ZRANB3: variants seen among roughly 807,000 people sequenced by gnomAD.
ZRANB3 encodes the protein DNA annealing helicase and endonuclease ZRANB3.
In ZRANB3, 125 loss-of-function variants were observed where a neutral mutation model predicts 133.8. The ratio of observed to expected loss-of-function variants is 0.93; its 90% confidence interval spans 0.81 to 1.08. The LOEUF is 1.08. ZRANB3 is among the 50% of genes least tolerant of loss of function. The pLI is 0.00. For synonymous variants in ZRANB3, 387 were observed against 432.7 expected (o/e 0.89, Z 1.31); for missense variants, 1,229 against 1,275.5 (o/e 0.96, Z 0.56).
chr2:135,488,685 A>G (rs1036688785), intron 2 of ZRANB3, among the ~76,000 whole-genome samples: 2 of 151,956 alleles, frequency 1.3e-5, no homozygotes, highest in South Asian at 2.1e-4. Context: ...TGCAAAGCAC[A>G]ATATATACAA....
intron 6 of ZRANB3, among the ~76,000 whole-genome samples, chr2:135,317,929 T>C (rs543648447): frequency 6.6e-6 from 1 of 152,182 alleles, no homozygotes; most frequent in East Asian, 1.9e-4. Flanking sequence ...AATAACACAT[T>C]TGCCAAAACC....
At chr2:135,302,677 C>G (rs1177635005) in intron 8 of ZRANB3, among the ~76,000 whole-genome samples, 2 of 152,038 alleles carry the variant, frequency 1.3e-5, no homozygotes, top group Non-Finnish European at 2.9e-5. Flanking sequence ...AGGCACGCAC[C>G]ACCACGCCCG....
chr2:135,489,811 G>C (rs897280331), intron 2 of ZRANB3, among the ~76,000 whole-genome samples: 1 of 151,550 alleles, frequency 6.6e-6, no homozygotes, highest in East Asian at 1.9e-4. Flanking sequence ...ATGCAAAAGA[G>C]AAAAAAACAA....
intron 2 of ZRANB3, among the ~76,000 whole-genome samples, chr2:135,427,276 C>T (rs1375250689): frequency 6.6e-6 from 1 of 152,106 alleles, no homozygotes; most frequent in Non-Finnish European, 1.5e-5. Flanking sequence ...GTCAAACTAT[C>T]TCTATTTGCA....
At chr2:135,494,136 G>C (rs1692545029) in intron 2 of ZRANB3, among the ~76,000 whole-genome samples, 2 of 105,294 alleles carry the variant, frequency 1.9e-5, no homozygotes, top group African/African-American at 4.9e-5. Context: ...GAGGGAGAGA[G>C]GGAAGGAAGG....
intron 2 of ZRANB3, among the ~76,000 whole-genome samples, chr2:135,482,712 C>T (rs1691884715): frequency 6.6e-6 from 1 of 152,198 alleles, no homozygotes; most frequent in African/African-American, 2.4e-5. Context: ...AAAGGGAATG[C>T]TTCCAGTTTT....
At chr2:135,207,003 G>A (rs926065569) in intron 19 of ZRANB3, among the ~76,000 whole-genome samples, 27 of 151,632 alleles carry the variant, frequency 1.8e-4, no homozygotes, top group Non-Finnish European at 1.2e-4. Flanking sequence ...CGTCTCTACT[G>A]AAAATACAAA....
intron 17 of ZRANB3, among the ~76,000 whole-genome samples, chr2:135,213,300 ACT>A (rs1386828175): frequency 6.6e-6 from 1 of 151,970 alleles, no homozygotes; most frequent in African/African-American, 2.4e-5. Context: ...AAGTCTGGAG[ACT>A]CTCTGATTCA....
At chr2:135,414,101 C>T (rs1688441352) in intron 2 of ZRANB3, among the ~76,000 whole-genome samples, 2 of 151,692 alleles carry the variant, frequency 1.3e-5, no homozygotes, top group Admixed American at 1.3e-4. Context: ...TCACACATAA[C>T]AATATTAACC....
chr2:135,374,501 C>CTT (rs548112054), intron 3 of ZRANB3, among the ~76,000 whole-genome samples: 19 of 140,040 alleles, frequency 1.4e-4, no homozygotes, highest in African/African-American at 3.1e-4. Context: ...TAAAACATAT[C>CTT]TTTTTTTTTT....
intron 13 of ZRANB3, among the ~76,000 whole-genome samples, chr2:135,228,821 G>A (rs1040076883): frequency 6.6e-6 from 1 of 152,066 alleles, no homozygotes; most frequent in Non-Finnish European, 1.5e-5. Flanking sequence ...CTGTTACTTA[G>A]ACTATGTATT....
intron 1 of ZRANB3, among the ~76,000 whole-genome samples, chr2:135,522,333 T>C (rs1275681006): frequency 6.6e-6 from 1 of 152,188 alleles, no homozygotes; most frequent in East Asian, 1.9e-4. Context: ...GGCCAACAGC[T>C]TGAGGCTACG....
intron 6 of ZRANB3, among the ~76,000 whole-genome samples, chr2:135,328,376 T>G (rs1683950237): frequency 6.6e-6 from 1 of 152,144 alleles, no homozygotes; most frequent in Non-Finnish European, 1.5e-5. Context: ...TCCACGTCGC[T>G]GCAAAGGACA....
intron 5 of ZRANB3, among the ~76,000 whole-genome samples, chr2:135,346,973 C>G (rs1684964370): frequency 1.3e-5 from 2 of 152,208 alleles, no homozygotes; most frequent in African/African-American, 4.8e-5. Context: ...CTGCCAACTA[C>G]TAACCCACTT....
intron 15 of ZRANB3, among the ~76,000 whole-genome samples, chr2:135,221,104 G>A (rs1357996433): frequency 6.6e-6 from 1 of 152,024 alleles, no homozygotes; most frequent in East Asian, 1.9e-4. Flanking sequence ...TGATCCGCCT[G>A]CCTCGGCCTC....
intron 12 of ZRANB3, among the ~76,000 whole-genome samples, chr2:135,252,003 C>G (rs1354755079): frequency 6.6e-6 from 1 of 152,150 alleles, no homozygotes; most frequent in Non-Finnish European, 1.5e-5. Context: ...CCACTGCACT[C>G]CAGCCTGGCG....
chr2:135,456,435 A>T (rs1344740861), intron 2 of ZRANB3, among the ~76,000 whole-genome samples: 2 of 152,258 alleles, frequency 1.3e-5, no homozygotes, highest in Non-Finnish European at 2.9e-5. Context: ...AGGGAAAAGT[A>T]GGCTAGCTAT....
Position 135,417,825 on chromosome 2 carries a change from T to C in ZRANB3, c.162-27005A>G, listed in dbSNP as rs144628024. ...TGTCCTTTGTAGGGACTGGATGAAA[T>C]TGGAAATCATCACTCTCAGTAAACT... On this transcript the variant is annotated intron_variant, in intron 2 of 20. Coordinates refer to ENST00000264159, the MANE Select transcript of ZRANB3 (RefSeq NM_032143.4). Among the ~76,000 whole-genome samples, 830 of 152,118 alleles carry C rather than the reference T, an allele frequency of 5.5e-3. 7 individuals are homozygous for C. Among genetic ancestry groups the C allele is most frequent in the African/African-American group, 0.019 (795 of 41,514 alleles).
chr2:135,375,963 T>C (rs1686412693), intron 3 of ZRANB3, among the ~76,000 whole-genome samples: 1 of 152,230 alleles, frequency 6.6e-6, no homozygotes, highest in African/African-American at 2.4e-5. Flanking sequence ...GATATGAAAT[T>C]ATTTATTTAA....
Sources: gnomAD v4.1 joint callset for allele counts (sites outside exome capture counted in the v4.1 genomes callset) on GRCh38, gnomAD v4.1.1 for gene constraint, MANE v1.5 for transcripts, NCBI Gene and HGNC (gene_info 2026-07-23, HGNC 2026-07-21) for gene names.